RNF216: variants seen among roughly 807,000 people sequenced by gnomAD.
RNF216 encodes E3 ubiquitin-protein ligase RNF216.
In RNF216, 72 loss-of-function variants were observed where a neutral mutation model predicts 110.8. The ratio of observed to expected loss-of-function variants is 0.65; its 90% CI spans 0.54 to 0.79. RNF216 has a LOEUF of 0.79. Ranked by LOEUF, RNF216 falls within the 30% of genes least tolerant of loss-of-function variation. The pLI is 0.00. For missense variants in RNF216, 1,342 were observed against 1,141.2 expected (o/e 1.18, Z -2.54); for synonymous variants, 495 against 407.5 (o/e 1.21, Z -2.59).
chr7:5,673,896 T>C (rs1790093810), intron 13 of RNF216, among the ~76,000 whole-genome samples: 1 of 146,082 alleles, frequency 6.8e-6, no homozygotes, highest in African/African-American at 2.6e-5. Context: ...AGTCTTGCTC[T>C]ATCGCCCAGG....
rs1794740913 is a variant in RNF216, at chr7:5,741,275, G to C, written c.742C>G (p.Gln248Glu). 3.7e-6 allele frequency: 6 copies of C among 1,614,078 alleles called. No homozygotes were observed. Among genetic ancestry groups the C allele is most frequent in the Non-Finnish European group, 4.2e-6 (5 of 1,179,970 alleles). Residue 248 changes from glutamine to glutamate, a missense_variant, in exon 4 of 17, where the codon CAG becomes GAG. Physicochemically the swap from Gln to Glu is conservative, Grantham distance 29 (BLOSUM62 2). Transcript: ENST00000389902. ...LNQQPREITNQVVPQERQPEA... is the reference protein window; with the variant it reads ...LNQQPREITNEVVPQERQPEA... ...GGCTGCCGTTCCTGAGGAACGACCTGGTTTGTTATTTCACGGGGCTGTTGG... is the reference window on the plus strand; with the variant it reads ...GGCTGCCGTTCCTGAGGAACGACCTCGTTTGTTATTTCACGGGGCTGTTGG...
intron 10 of RNF216, among the ~76,000 whole-genome samples, chr7:5,715,511 T>C (rs1050304346): frequency 6.6e-6 from 1 of 152,130 alleles, no homozygotes; most frequent in African/African-American, 2.4e-5. Flanking sequence ...CAGATGCTAA[T>C]GTGATTATAA....
intron 15 of RNF216, among the ~76,000 whole-genome samples, chr7:5,638,566 T>C (rs1410516772): frequency 6.6e-6 from 1 of 151,972 alleles, no homozygotes; most frequent in African/African-American, 2.4e-5. Flanking sequence ...TTCATTTCCA[T>C]TTATTTGATT....
intron 13 of RNF216, among the ~76,000 whole-genome samples, chr7:5,664,794 C>T (rs567512032): frequency 6.6e-6 from 1 of 152,120 alleles, no homozygotes; most frequent in African/African-American, 2.4e-5. Context: ...ACACAAAATT[C>T]TTTTTTTTCT....
At chr7:5,647,765 T>C (rs1359233444) in intron 14 of RNF216, among the ~76,000 whole-genome samples, 3 of 152,228 alleles carry the variant, frequency 2.0e-5, no homozygotes, top group Non-Finnish European at 4.4e-5. Flanking sequence ...CCAAGACCTG[T>C]TGATTTTACA....
At chr7:5,651,478 T>C (rs1321702773) in intron 14 of RNF216, among the ~76,000 whole-genome samples, 2 of 152,120 alleles carry the variant, frequency 1.3e-5, no homozygotes, top group Non-Finnish European at 1.5e-5. Flanking sequence ...GCGATCTACC[T>C]GCCTTAGCCT....
chr7:5,754,533 A>T (rs1162672512), intron 2 of RNF216, among the ~76,000 whole-genome samples: 1 of 151,952 alleles, frequency 6.6e-6, no homozygotes, highest in African/African-American at 2.4e-5. Context: ...GACACACGCT[A>T]TGGGGGATCA....
intron 3 of RNF216, among the ~76,000 whole-genome samples, chr7:5,751,266 G>A (rs987986251): frequency 1.3e-5 from 2 of 152,170 alleles, no homozygotes; most frequent in Non-Finnish European, 2.9e-5. Context: ...CAAAATGATG[G>A]TAACTGAGAG....
chr7:5,651,619 G>C (rs149357899), intron 14 of RNF216, among the ~76,000 whole-genome samples: 213 of 151,790 alleles, frequency 1.4e-3, no homozygotes, highest in African/African-American at 4.7e-3. Flanking sequence ...AAGAGAAAGA[G>C]ATTTCAGTAT....
chr7:5,759,922 C>T (rs539091824), intron 2 of RNF216, among the ~76,000 whole-genome samples: 1 of 152,048 alleles, frequency 6.6e-6, no homozygotes, highest in African/African-American at 2.4e-5. Flanking sequence ...TGAGCCACCA[C>T]GCCTGGCCTG....
Position 5,710,857 on chromosome 7 carries a change from A to G in RNF216, c.2061+904T>C, listed in dbSNP as rs1584491550. On this transcript the variant is annotated intron_variant, in intron 13 of 16. Transcript: ENST00000389902. ...GGAAGCACACAAGGGACACGCTAGC[A>G]CTCTGCTTTCTTAAGAGCTGCAAGA... Among the ~76,000 whole-genome samples the G allele has an allele frequency of 3.9e-5, 6 of 152,254 alleles. 1 individual carries two copies. The South Asian group carries it at 1.2e-3, about 32-fold the overall frequency.
intron 3 of RNF216, among the ~76,000 whole-genome samples, chr7:5,744,704 G>A (rs972575669): frequency 6.6e-6 from 1 of 152,204 alleles, no homozygotes; most frequent in Non-Finnish European, 1.5e-5. Flanking sequence ...AGGCACGGTT[G>A]GCTTATGCCT....
chr7:5,697,321 T>G (rs1791692531), intron 13 of RNF216, among the ~76,000 whole-genome samples: 1 of 152,246 alleles, frequency 6.6e-6, no homozygotes, highest in South Asian at 2.1e-4. Context: ...GTGGTTGCCC[T>G]TTCTCTTTCT....
rs988902625 is a variant in RNF216, at chr7:5,741,122, A to C, written c.895T>G (p.Phe299Val). The C allele has an allele frequency of 6.2e-7, 1 of 1,614,058 alleles. No individual in the cohort carries two copies. The highest frequency in any genetic ancestry group is 8.5e-7 in the Non-Finnish European group (1 of 1,180,026). The change falls in exon 4 of 17, where the codon TTT (phenylalanine) becomes GTT (valine). Residue 299 changes from phenylalanine to valine, a missense_variant. Coordinates refer to ENST00000389902, the MANE Select transcript of RNF216 (RefSeq NM_207111.4). Reference protein sequence around the residue: ...SPQPAHPLGEFEDQQLASDDE... With the variant: ...SPQPAHPLGEVEDQQLASDDE... ...TCACTTGCTAACTGCTGGTCTTCAA[A>C]CTCTCCTAGAGGATGGGCAGGCTGA... is the stretch of plus-strand genomic sequence containing the variant.
chr7:5,711,665 C>G (rs1252708817), intron 13 of RNF216, 96 bp downstream of exon 13: 6 of 920,982 alleles, frequency 6.5e-6, no homozygotes, highest in Non-Finnish European at 1.0e-5. Flanking sequence ...CCTTCTTATA[C>G]ATCAGCAGTC....
In RNF216 at chr7:5,729,496, A is replaced by T. The variant is rs1180527195; in HGVS notation, c.1325T>A (p.Leu442His). The change falls in exon 7 of 17, where the codon CTC (leucine) becomes CAC (histidine). Residue 442 changes from leucine to histidine, a missense_variant. Transcript: ENST00000389902. ...GGCCCACTTGATGTCCTGACTACTG[A>T]GCACTTTGAAGTCGGCCATGAGGAG... ...ADLLMADFKVLSSQDIKWALH... is the reference protein window; with the variant it reads ...ADLLMADFKVHSSQDIKWALH... The T allele has an allele frequency of 6.2e-7, 1 of 1,614,172 alleles. No homozygotes were observed.
At chr7:5,732,024 T>C (rs902246461) in intron 5 of RNF216, among the ~76,000 whole-genome samples, 6 of 152,058 alleles carry the variant, frequency 3.9e-5, no homozygotes, top group African/African-American at 1.2e-4. Context: ...ATACTCTTCA[T>C]CTCTAAGCTC....
At chr7:5,679,914 C>T (rs768174774) in intron 13 of RNF216, among the ~76,000 whole-genome samples, 12 of 152,150 alleles carry the variant, frequency 7.9e-5, no homozygotes, top group Non-Finnish European at 1.3e-4. Context: ...GCTCCACAGT[C>T]GGCTTTAAGA....
chr7:5,641,166 C>T lies in RNF216; in HGVS notation c.2370G>A (p.Trp790Ter). ...PCQECSRCSL[W>*]TDPTEDDEKL... ...TGTGTCTACTTACAGTGGGATCGGT[C>T]CAGAGAGAGCATCTTGAACACTCCT... Residue 790 changes from tryptophan to a stop codon, truncating the protein, a stop_gained, in exon 15 of 17, where the codon TGG (tryptophan) becomes TGA (stop). Coordinates refer to ENST00000389902, the MANE Select transcript of RNF216 (RefSeq NM_207111.4). LOFTEE classifies it high-confidence loss of function. 6 of 1,613,466 alleles carry T rather than the reference C, an allele frequency of 3.7e-6. No homozygotes were observed. Among genetic ancestry groups the T allele is most frequent in the South Asian group, 1.1e-5 (1 of 91,066 alleles).
Sources: allele counts gnomAD v4.1 joint callset (sites outside exome capture counted in the v4.1 genomes callset), GRCh38; gene constraint gnomAD v4.1.1; transcripts MANE v1.5; gene names NCBI Gene and HGNC (gene_info 2026-07-23, HGNC 2026-07-21).